Variants in PHTF1 observed in about 807,000 individuals in gnomAD.
PHTF1 encodes the protein protein PHTF1.
In PHTF1, 88 loss-of-function variants were observed where a neutral mutation model predicts 102.4. That is an observed-to-expected ratio of 0.86 (90% CI 0.72 to 1.03). The LOEUF is 1.03. Ranked by LOEUF, PHTF1 falls within the 50% of genes least tolerant of loss-of-function variation. PHTF1 has a pLI of 0.00. For synonymous variants in PHTF1, 289 were observed against 305.2 expected (o/e 0.95, Z 0.55); for missense variants, 814 against 909.5 (o/e 0.89, Z 1.35).
chr1:113,698,648 CACACACACACAT>C, intron 17 of PHTF1, among the ~76,000 whole-genome samples: 1 of 151,816 alleles, frequency 6.6e-6, no homozygotes, highest in African/African-American at 2.4e-5. Context: ...CACACACACA[CACACACACACAT>C]ACACACATAT....
At chr1:113,743,172 A>C (rs1402507037) in intron 3 of PHTF1, among the ~76,000 whole-genome samples, 1 of 151,996 alleles carries the variant, frequency 6.6e-6, no homozygotes, top group East Asian at 1.9e-4. Context: ...AAGCTTTATA[A>C]TTTTTTTAAC....
chr1:113,741,404 A>G (rs1265578853), intron 3 of PHTF1, among the ~76,000 whole-genome samples: 1 of 152,258 alleles, frequency 6.6e-6, no homozygotes, highest in Non-Finnish European at 1.5e-5. Flanking sequence ...TTTCATGAGA[A>G]TAACAATTAT....
Position 113,704,185 on chromosome 1 carries a change from T to C in PHTF1, c.1804-18A>G. 6.4e-7 allele frequency: 1 copy of C among 1,561,934 alleles called. No individual in the cohort carries two copies. The highest frequency in any genetic ancestry group is 8.8e-7 in the Non-Finnish European group (1 of 1,136,790). On this transcript the variant is annotated intron_variant, in intron 14 of 18. Transcript: ENST00000369604. Reference sequence around the variant, plus strand: ...CCCCGTCTCTGTGGAGTGAGACACATGTGTTAATGTTTTAGTTACTGGCAG... The same window carrying C: ...CCCCGTCTCTGTGGAGTGAGACACACGTGTTAATGTTTTAGTTACTGGCAG...
At chr1:113,706,856 T>A in intron 11 of PHTF1, 134 bp from the exon 12 acceptor site, 3 of 417,398 alleles carry the variant, frequency 7.2e-6, no homozygotes, top group African/African-American at 2.3e-5. Context: ...TCTTTCTTTT[T>A]TTTTTTTTTT....
chr1:113,754,045 G>C (rs1266815976), intron 3 of PHTF1, among the ~76,000 whole-genome samples: 1 of 152,130 alleles, frequency 6.6e-6, no homozygotes, highest in Non-Finnish European at 1.5e-5. Context: ...TTGCCACTAA[G>C]TAATTTGCAT....
intron 13 of PHTF1, chr1:113,705,641 C>A: frequency 2.6e-6 from 1 of 377,666 alleles, no homozygotes; most frequent in Admixed American, 4.6e-5. Flanking sequence ...GCTAAGCAGT[C>A]GGCTAGGCTC....
chr1:113,758,533 T>C (rs1259869628), intron 2 of PHTF1, 126 bp downstream of exon 2: 1 of 411,058 alleles, frequency 2.4e-6, no homozygotes, highest in African/African-American at 2.1e-5. Context: ...TTTTTTTTCA[T>C]TTATGTTGAA....
At position 113,724,819 on chromosome 1, in the gene PHTF1, A is replaced by G. The variant is rs199685744; in HGVS notation, c.563T>C (p.Ile188Thr). The part of the protein sequence containing the change: ...GNNSSDKVRG[I>T]ETLESVPIIG... ...AATGGGTACAGATTCCAAAGTTTCT[A>G]TTCCTCTGACTTTATCAGAGGAGTT... is the stretch of plus-strand genomic sequence containing the variant. Residue 188 changes from isoleucine to threonine, a missense_variant, in exon 7 of 19, where the codon ATA becomes ACA. Physicochemically the swap from Ile to Thr is moderately conservative, Grantham distance 89. Transcript: ENST00000369604. 57 of 1,611,870 alleles carry G rather than the reference A, an allele frequency of 3.5e-5. No individual in the cohort carries two copies. The highest frequency in any genetic ancestry group is 1.5e-4 in the Admixed American group (9 of 59,848).
At chr1:113,735,450 C>T (rs1655348006) in intron 5 of PHTF1, among the ~76,000 whole-genome samples, 1 of 142,270 alleles carries the variant, frequency 7.0e-6, no homozygotes, top group Non-Finnish European at 1.5e-5. Flanking sequence ...CTACATATGA[C>T]TCTACATATG....
intron 17 of PHTF1, chr1:113,699,259 C>T (rs767377158): frequency 2.4e-5 from 6 of 250,204 alleles, no homozygotes; most frequent in South Asian, 8.9e-5. Flanking sequence ...CTTGTTCCCC[C>T]AGTAGTCTCC....
Position 113,711,819 on chromosome 1 carries a change from G to C in PHTF1, c.974C>G (p.Thr325Arg). Residue 325 changes from threonine (T) to arginine (R), a missense_variant, in exon 10 of 19, where the codon ACA becomes AGA. Physicochemically the swap from Thr to Arg is moderately conservative, Grantham distance 71. Coordinates refer to ENST00000369604, the MANE Select transcript of PHTF1 (RefSeq NM_001323043.2). ...ATCCCGCACAATATGACACCACCTT[G>C]TAGTGGTTTTCTTTACCTGCCAAAA... ...HLNSQVKKTT[T>R]RWCHIVRDSD... 1 of 1,613,446 alleles carries C rather than the reference G, an allele frequency of 6.2e-7. No individual in the cohort carries two copies. The highest frequency in any genetic ancestry group is 1.6e-4 in the Middle Eastern group (1 of 6,062).
chr1:113,720,360 T>G (rs1652728722), intron 7 of PHTF1, among the ~76,000 whole-genome samples: 1 of 152,070 alleles, frequency 6.6e-6, no homozygotes, highest in African/African-American at 2.4e-5. Context: ...GACTTCAACC[T>G]CATTTTCAGC....
intron 7 of PHTF1, chr1:113,713,849 C>A: frequency 5.9e-6 from 1 of 168,472 alleles, no homozygotes; most frequent in Non-Finnish European, 1.3e-5. Context: ...TTTTGCCACC[C>A]TTACTGCAAA....
intron 15 of PHTF1, among the ~76,000 whole-genome samples, chr1:113,702,543 G>C (rs1386819940): frequency 6.6e-6 from 1 of 152,000 alleles, no homozygotes; most frequent in East Asian, 1.9e-4. Flanking sequence ...CTTGAAGCCA[G>C]GAGTTCGAGG....
intron 3 of PHTF1, 104 bp downstream of exon 3, chr1:113,757,595 G>A: frequency 1.3e-6 from 1 of 749,500 alleles, no homozygotes; most frequent in Non-Finnish European, 2.4e-6. Context: ...AAAGATTAAA[G>A]AATGCCATAC....
In PHTF1 at chr1:113,724,662, C is replaced by T. The variant is rs185270392; in HGVS notation, c.623+97G>A. 1.2e-4 allele frequency: 110 copies of T among 886,996 alleles called. No homozygotes were observed. In the African/African-American group the frequency reaches 1.7e-3, roughly 14 times the overall value. The allele number at this position is 886,996 out of a possible 1,614,324, so 54.9% of individuals were successfully genotyped here. On this transcript the variant is annotated intron_variant, in intron 7 of 18. Coordinates refer to ENST00000369604, the MANE Select transcript of PHTF1 (RefSeq NM_001323043.2). ...CCTCTGATAACCCTTAAAAATCACACCAAGATAAGTCTATACTACTTACTC... is the reference window on the plus strand; with the variant it reads ...CCTCTGATAACCCTTAAAAATCACATCAAGATAAGTCTATACTACTTACTC...
At chr1:113,734,344 C>T (rs557328829) in intron 5 of PHTF1, among the ~76,000 whole-genome samples, 1 of 152,202 alleles carries the variant, frequency 6.6e-6, no homozygotes, top group South Asian at 2.1e-4. Flanking sequence ...TTAAAGAATA[C>T]CTAAGTAACC....
At chr1:113,741,343 GA>G (rs1361034304) in intron 3 of PHTF1, among the ~76,000 whole-genome samples, 1 of 152,050 alleles carries the variant, frequency 6.6e-6, no homozygotes, top group Non-Finnish European at 1.5e-5. Context: ...GCAACTCAAG[GA>G]AAAAACTCTT....
At chr1:113,717,874 G>A (rs2101290164) in intron 7 of PHTF1, among the ~76,000 whole-genome samples, 1 of 152,242 alleles carries the variant, frequency 6.6e-6, no homozygotes, top group East Asian at 1.9e-4. Flanking sequence ...AATTCTGGGA[G>A]ATACAATTCA....
Sources: allele counts gnomAD v4.1 joint callset (sites outside exome capture counted in the v4.1 genomes callset), GRCh38; gene constraint gnomAD v4.1.1; transcripts MANE v1.5; gene names NCBI Gene and HGNC (gene_info 2026-07-23, HGNC 2026-07-21).